Variants in DDX47 observed in about 807,000 individuals in gnomAD.
DDX47 encodes probable ATP-dependent RNA helicase DDX47.
In DDX47, 60 loss-of-function variants were observed where a neutral mutation model predicts 58.8. That is an observed-to-expected ratio of 1.02 (90% confidence interval 0.83 to 1.26). The LOEUF is 1.26. Among genes scored for constraint, DDX47 ranks in the 50% most tolerant of loss-of-function variants. The pLI is 0.00. For missense variants in DDX47, 530 were observed against 573.2 expected (o/e 0.92, Z 0.77); for synonymous variants, 197 against 204.6 (o/e 0.96, Z 0.32).
intron 10 of DDX47, chr12:12,826,375 A>T (rs1863051412): frequency 2.0e-5 from 4 of 195,944 alleles, no homozygotes; most frequent in Non-Finnish European, 4.1e-5. Flanking sequence ...TGTTTTTTTT[A>T]AAGAAACAAA....
chr12:12,825,304 A>G (rs1863036928), intron 9 of DDX47, among the ~76,000 whole-genome samples: 1 of 152,152 alleles, frequency 6.6e-6, no homozygotes. Flanking sequence ...AAGGTTTCTC[A>G]GCCTTGGCAC....
At chr12:12,827,869 C>CTTTTTTTTTTTTTTTTTTT (rs1354059622) in intron 11 of DDX47, among the ~76,000 whole-genome samples, 1 of 109,690 alleles carries the variant, frequency 9.1e-6, no homozygotes, top group Non-Finnish European at 1.8e-5. Context: ...CAAAACTTTT[C>CTTTTTTTTTTTTTTTTTTT]TTTTTTCTTT....
In DDX47 at chr12:12,822,035, G is replaced by A; in HGVS notation, c.513G>A (p.Leu171=). 6.2e-7 allele frequency: 1 copy of A among 1,613,840 alleles called. No individual in the cohort carries two copies. Among genetic ancestry groups the A allele is most frequent in the African/African-American group, 1.3e-5 (1 of 74,976 alleles). The change falls in exon 5 of 12, where the codon TTG becomes TTA. Residue 171 remains leucine (L), a synonymous_variant. Transcript: ENST00000358007. ...KGFNLRALKY[L]VMDEADRILN... is the part of the protein sequence containing the mutation. ...TCAACTTGAGAGCTCTCAAATACTT[G>A]GTCATGGATGAAGCCGACCGAATAC...
chr12:12,822,757 TC>T, intron 6 of DDX47, 25 bp downstream of exon 6: 1 of 1,589,152 alleles, frequency 6.3e-7, no homozygotes, highest in Non-Finnish European at 8.6e-7. Flanking sequence ...GACTTTTGTT[TC>T]TTCTTTATGA....
At chr12:12,818,028 C>T (rs1862922749) in intron 2 of DDX47, among the ~76,000 whole-genome samples, 1 of 152,204 alleles carries the variant, frequency 6.6e-6, no homozygotes, top group Admixed American at 6.5e-5. Context: ...TTGTGTTACA[C>T]AGGCTGGGAC....
intron 10 of DDX47, 36 bp downstream of exon 10, chr12:12,826,106 G>C (rs769596494): frequency 5.8e-6 from 9 of 1,559,954 alleles, no homozygotes; most frequent in Non-Finnish European, 6.1e-6. Context: ...GCAATGTAGA[G>C]AAAAGAGCAG....
intron 2 of DDX47, among the ~76,000 whole-genome samples, chr12:12,818,648 G>A (rs1862929869): frequency 6.6e-6 from 1 of 152,200 alleles, no homozygotes; most frequent in Admixed American, 6.5e-5. Flanking sequence ...AGGATACACT[G>A]TATGTTAGTC....
intron 1 of DDX47, among the ~76,000 whole-genome samples, chr12:12,813,825 T>C (rs7953259): frequency 0.039 from 6,016 of 152,320 alleles, 302 homozygotes; most frequent in African/African-American, 0.12. Flanking sequence ...GTTACCTCTC[T>C]GTGTTTCTCT....
Position 12,823,940 on chromosome 12 carries a change from A to G in DDX47, c.821A>G (p.Asn274Ser), listed in dbSNP as rs1342626742. 1.9e-6 allele frequency: 3 copies of G among 1,614,162 alleles called. No homozygotes were observed. The highest frequency in any genetic ancestry group is 1.3e-5 in the African/African-American group (1 of 75,052). The change falls in exon 8 of 12, where the codon AAT (asparagine) becomes AGT (serine). Residue 274 changes from asparagine (N) to serine (S), a missense_variant. By Grantham distance (46) the Asn-to-Ser change is conservative. Coordinates refer to ENST00000358007, the MANE Select transcript of DDX47 (RefSeq NM_016355.4). ...TTTATGATATTCTGCAGCACCTGTA[A>G]TAATACCCAGAGAACAGCTTTGCTA... ...NSFMIFCSTC[N>S]NTQRTALLLR...
chr12:12,827,345 C>A lies in DDX47; in HGVS notation c.1206C>A (p.Arg402=). The change falls in exon 11 of 12, where the codon CGC becomes CGA. Residue 402 remains arginine, a synonymous_variant. Transcript: ENST00000358007. ...ATGAGGTTATGATGCTGACAGAACG[C>A]GTCGCTGAAGCCCAAAGGTTTGCCC... ...QDDEVMMLTE[R]VAEAQRFARM... 1 of 1,614,118 alleles carries A rather than the reference C, an allele frequency of 6.2e-7. No individual in the cohort carries two copies. The highest frequency in any genetic ancestry group is 8.5e-7 in the Non-Finnish European group (1 of 1,180,010).
chr12:12,821,873 G>A lies in DDX47; in HGVS notation c.443-92G>A, dbSNP rs563244474. On this transcript the variant is annotated intron_variant, in intron 4 of 11. Transcript: ENST00000358007. ...AGTTAAATTTGGTGGAGAGCTGTGG[G>A]GTGGGGCAGATAACTTTATTTGTTT... is the stretch of plus-strand genomic sequence containing the variant. 4.4e-6 allele frequency: 5 copies of A among 1,134,620 alleles called. No homozygotes were observed. The South Asian group carries it at 5.3e-5, about 12-fold the overall frequency. The allele number at this position is 1,134,620 out of a possible 1,614,324, so 70.3% of individuals were successfully genotyped here.
At chr12:12,823,396 A>G (rs1863002782) in intron 7 of DDX47, 77 bp downstream of exon 7, 2 of 903,580 alleles carry the variant, frequency 2.2e-6, no homozygotes, top group East Asian at 2.4e-5. Context: ...TCAACTCTTG[A>G]TTAGGTAAGA....
chr12:12,829,729 A>T lies in DDX47; in HGVS notation c.*175A>T, dbSNP rs1482274981. 21 of 687,546 alleles carry T rather than the reference A, an allele frequency of 3.1e-5. No individual in the cohort carries two copies. Among genetic ancestry groups the T allele is most frequent in the Non-Finnish European group, 3.7e-5 (16 of 432,688 alleles). 42.6% of individuals were successfully genotyped at this position (687,546 alleles called of 1,614,324 possible). A position where few individuals can be genotyped will look rare whatever the true frequency, so the allele number is the denominator to read the frequency against. On this transcript the variant is annotated 3_prime_UTR_variant, in exon 12 of 12. Coordinates refer to ENST00000358007, the MANE Select transcript of DDX47 (RefSeq NM_016355.4). ...GAGTTTACTGCAGAGTAATTCTTAC[A>T]GTGCTGATGTCAAGACTGTTACTGT...
At chr12:12,823,421 T>G (rs1863003181) in intron 7 of DDX47, 102 bp downstream of exon 7, 1 of 765,922 alleles carries the variant, frequency 1.3e-6, no homozygotes, top group South Asian at 1.5e-5. Flanking sequence ...TAATGCAGAT[T>G]GGCATCCTGT....
At chr12:12,822,324 C>T (rs1464486379) in intron 5 of DDX47, among the ~76,000 whole-genome samples, 2 of 152,196 alleles carry the variant, frequency 1.3e-5, no homozygotes, top group African/African-American at 2.4e-5. Flanking sequence ...TAGACCTTGA[C>T]ATACACCCTG....
intron 10 of DDX47, among the ~76,000 whole-genome samples, chr12:12,826,898 CAGGCA>C (rs1863059636): frequency 2.0e-5 from 3 of 152,134 alleles, no homozygotes; most frequent in Admixed American, 1.3e-4. Flanking sequence ...GCTGGGATTA[CAGGCA>C]CATGCCACCA....
At position 12,823,352 on chromosome 12, in the gene DDX47, C is replaced by T. The variant is rs1216045610; in HGVS notation, c.750+33C>T. The T allele has an allele frequency of 7.9e-6, 10 of 1,258,420 alleles. 1 individual carries two copies. In the Admixed American group the frequency reaches 1.5e-4, roughly 19 times the overall value. The allele number at this position is 1,258,420 out of a possible 1,614,324, so 78.0% of individuals were successfully genotyped here. A position where few individuals can be genotyped will look rare whatever the true frequency, so the allele number is the denominator to read the frequency against. ...GTTTACTTTGATCATTCCTGCCTCTCCCTCTTCTTTTCACCAAAGCATCTG... is the reference window on the plus strand; with the variant it reads ...GTTTACTTTGATCATTCCTGCCTCTTCCTCTTCTTTTCACCAAAGCATCTG... On this transcript the variant is annotated intron_variant, in intron 7 of 11. Transcript: ENST00000358007.
At chr12:12,823,359 CT>C (rs1267033125) in intron 7 of DDX47, 40 bp downstream of exon 7, 1 of 1,185,294 alleles carries the variant, frequency 8.4e-7, no homozygotes, top group Middle Eastern at 2.3e-4. Flanking sequence ...TCTCCCTCTT[CT>C]TTTCACCAAA....
Position 12,821,639 on chromosome 12 carries a change from C to CT in DDX47, c.371-9dup. On this transcript the variant is annotated splice_polypyrimidine_tract_variant and intron_variant, in intron 3 of 11. Transcript: ENST00000358007. ...AAATTAAGGATCTCGTCTCTATGTT[C>CT]TTTTTTTCTCTGTAGCTGTGATTGT... The CT allele has an allele frequency of 6.2e-7, 1 of 1,612,364 alleles. No homozygotes were observed. The highest frequency in any genetic ancestry group is 8.5e-7 in the Non-Finnish European group (1 of 1,178,836).
Sources: allele counts gnomAD v4.1 joint callset (sites outside exome capture counted in the v4.1 genomes callset), GRCh38; gene constraint gnomAD v4.1.1; transcripts MANE v1.5; gene names NCBI Gene and HGNC (gene_info 2026-07-23, HGNC 2026-07-21).